LCORL: variants seen among roughly 807,000 people sequenced by gnomAD.
LCORL encodes the protein ligand-dependent nuclear receptor corepressor-like protein.
LCORL carries 41 observed loss-of-function variants against 141.8 expected under a neutral mutation model. The ratio of observed to expected loss-of-function variants is 0.29; its 90% CI spans 0.23 to 0.38. The LOEUF is 0.38. Among genes scored for constraint, LCORL ranks in the 10% least tolerant of loss-of-function variants. The probability of loss-of-function intolerance (pLI) is 1.00; values close to 1 mark genes in which losing one functional copy is unlikely to be tolerated. For missense variants in LCORL, 1,759 were observed against 2,035.0 expected, an observed-to-expected ratio of 0.86 and a Z score of 2.61; for synonymous variants, 618 against 694.1, an observed-to-expected ratio of 0.89 and a Z score of 1.72.
chr4:17,845,942 T>G (rs1240676232), intron 7 of LCORL, 41 bp from the exon 8 acceptor site: 1 of 1,469,742 alleles, frequency 6.8e-7, no homozygotes, highest in Non-Finnish European at 9.3e-7. Flanking sequence ...TTACTTTAAT[T>G]TCAAAGTAAT....
chr4:17,912,338 A>G, intron 4 of LCORL: 1 of 671,814 alleles, frequency 1.5e-6, no homozygotes, highest in Non-Finnish European at 2.8e-6. Flanking sequence ...CTCTTCATGA[A>G]GAACCATGAA....
intron 5 of LCORL, among the ~76,000 whole-genome samples, chr4:17,897,668 A>G (rs752947454): frequency 3.3e-5 from 5 of 152,148 alleles, no homozygotes; most frequent in Non-Finnish European, 5.9e-5. Flanking sequence ...AAAACATTCA[A>G]TATTTTTCAT....
chr4:17,848,688 G>A (rs1236408818), intron 7 of LCORL, among the ~76,000 whole-genome samples: 8 of 152,266 alleles, frequency 5.3e-5, no homozygotes, highest in African/African-American at 1.4e-4. Flanking sequence ...GCAGGACAGC[G>A]GGTGCAGTGC....
rs1445651575 is a variant in LCORL at position 18,021,145 on chromosome 4, G to A, written c.154+453C>T. Among the ~76,000 whole-genome samples the A allele has an allele frequency of 6.6e-6, 1 of 152,000 alleles. No individual in the cohort carries two copies. Among genetic ancestry groups the A allele is most frequent in the Admixed American group, 6.6e-5 (1 of 15,264 alleles). ...CCCGGCCCCCGGCGGCGACAAGGGG[G>A]TGTGTGTGCGCTCGGCGGGGGCGCG... On this transcript the variant is annotated intron_variant, in intron 1 of 7. Coordinates refer to ENST00000635767, the Ensembl canonical transcript of LCORL. This position sits in a 1 kb window ranked among gnomAD's most constrained non-coding sequence, Gnocchi z 5.5.
intron 7 of LCORL, among the ~76,000 whole-genome samples, chr4:17,852,441 ACAATTTAATGAGAGC>A (rs1254141788): frequency 1.3e-5 from 2 of 152,118 alleles, no homozygotes; most frequent in East Asian, 3.8e-4. Context: ...ATTTGTTGTG[ACAATTTAATGAGAGC>A]CAATTAGCAT....
chr4:17,844,708 T>G (rs1438786587), exon 8 of LCORL: 1 of 152,402 alleles, frequency 6.6e-6, no homozygotes, highest in Non-Finnish European at 1.5e-5. Flanking sequence ...AAAGGTACAT[T>G]AAGTGTGCTG....
chr4:17,940,182 A>ATG (rs1560376057), intron 4 of LCORL, among the ~76,000 whole-genome samples: 3 of 130,608 alleles, frequency 2.3e-5, no homozygotes, highest in East Asian at 3.9e-4. Context: ...GTATATATAT[A>ATG]TATATACACA....
chr4:17,946,717 T>A (rs1295134619), intron 4 of LCORL, among the ~76,000 whole-genome samples: 1 of 151,948 alleles, frequency 6.6e-6, no homozygotes, highest in Non-Finnish European at 1.5e-5. Context: ...AAATAGCCCA[T>A]AAGTGCAGTC....
At chr4:17,927,883 G>A (rs954341309) in intron 4 of LCORL, among the ~76,000 whole-genome samples, 2 of 152,130 alleles carry the variant, frequency 1.3e-5, no homozygotes, top group Non-Finnish European at 1.5e-5. Context: ...GGAAAACGGC[G>A]CAAACAGACT....
chr4:17,876,120 G>C, exon 7 of LCORL: 2 of 1,230,838 alleles, frequency 1.6e-6, no homozygotes, highest in Non-Finnish European at 2.0e-6. Context: ...GATAGGACTA[G>C]AATAGTTGGA....
At chr4:17,845,256 T>C (rs1278634874) in exon 8 of LCORL, 1 of 153,242 alleles carries the variant, frequency 6.5e-6, no homozygotes, top group African/African-American at 2.4e-5. Flanking sequence ...TCTGTACATA[T>C]ATAACGTTGA....
At chr4:17,953,539 A>G (rs1711901500) in intron 4 of LCORL, among the ~76,000 whole-genome samples, 1 of 152,238 alleles carries the variant, frequency 6.6e-6, no homozygotes, top group Non-Finnish European at 1.5e-5. Flanking sequence ...GCTGATCCCT[A>G]GAACACCTTA....
chr4:18,008,334 C>T (rs1723141188), intron 1 of LCORL, among the ~76,000 whole-genome samples: 1 of 152,104 alleles, frequency 6.6e-6, no homozygotes, highest in African/African-American at 2.4e-5. Context: ...TACAGAAGTC[C>T]CGGTTCTCTC....
At chr4:17,910,507 A>G (rs1577392272) in intron 4 of LCORL, among the ~76,000 whole-genome samples, 1 of 152,308 alleles carries the variant, frequency 6.6e-6, no homozygotes, top group Non-Finnish European at 1.5e-5. Flanking sequence ...GCTTTCTCTG[A>G]TCCATGGCTG....
intron 7 of LCORL, among the ~76,000 whole-genome samples, chr4:17,863,408 A>C (rs1577272012): frequency 6.6e-6 from 1 of 152,150 alleles, no homozygotes; most frequent in East Asian, 1.9e-4. Flanking sequence ...AATATCACTA[A>C]TCATTAGAGA....
At chr4:18,011,167 G>A (rs1723703045) in intron 1 of LCORL, among the ~76,000 whole-genome samples, 1 of 152,054 alleles carries the variant, frequency 6.6e-6, no homozygotes, top group African/African-American at 2.4e-5. Flanking sequence ...CTCTAACCTG[G>A]CCTGTATCGG....
At chr4:17,909,376 T>C (rs1732148184) in intron 4 of LCORL, 31 bp from the exon 5 acceptor site, 2 of 1,484,822 alleles carry the variant, frequency 1.3e-6, no homozygotes, top group Non-Finnish European at 9.0e-7. Flanking sequence ...ATAATCATTT[T>C]AAAAAGAGAA....
At chr4:17,935,519 A>C (rs903289460) in intron 4 of LCORL, among the ~76,000 whole-genome samples, 1 of 152,106 alleles carries the variant, frequency 6.6e-6, no homozygotes, top group Non-Finnish European at 1.5e-5. Flanking sequence ...CCTCAGTAAT[A>C]AGTGAATTCT....
At chr4:17,906,385 C>T (rs16896004) in intron 5 of LCORL, among the ~76,000 whole-genome samples, 5,985 of 152,174 alleles carry the variant, frequency 0.039, 394 homozygotes, top group African/African-American at 0.14. Flanking sequence ...CACTCTTCCC[C>T]GTGCCCTCTA....
Sources: gnomAD v4.1 joint callset for allele counts (sites outside exome capture counted in the v4.1 genomes callset) on GRCh38, gnomAD v4.1.1 for gene constraint, Gnocchi (gnomAD v3.1) non-coding constraint, MANE v1.5 for transcripts, NCBI Gene and HGNC (gene_info 2026-07-23, HGNC 2026-07-21) for gene names.